CACNG2: variants seen among roughly 807,000 people sequenced by gnomAD.
The protein encoded by CACNG2 is calcium voltage-gated channel auxiliary subunit gamma 2, also known as voltage-dependent calcium channel gamma-2 subunit.
CACNG2 carries 3 observed loss-of-function variants against 25.9 expected under a neutral mutation model. The ratio of observed to expected loss-of-function variants is 0.12; its 90% CI spans 0.05 to 0.30. The LOEUF (loss-of-function observed/expected upper bound fraction) is 0.30. Ranked by LOEUF, CACNG2 falls within the 10% of genes least tolerant of loss-of-function variation. The pLI, the probability that CACNG2 is intolerant of heterozygous loss-of-function variation, is 1.00. For missense variants in CACNG2, 341 were observed against 432.5 expected, an observed-to-expected ratio of 0.79 and a Z score of 1.88; for synonymous variants, 167 against 173.3, an observed-to-expected ratio of 0.96 and a Z score of 0.29.
At position 36,587,421 on chromosome 22, in the gene CACNG2, G is replaced by T. The variant is rs773448084; in HGVS notation, c.295+44C>A. 10 of 1,368,780 alleles carry T rather than the reference G, an allele frequency of 7.3e-6. No homozygotes were observed. The Admixed American group carries it at 1.5e-4, about 21-fold the overall frequency. The allele number at this position is 1,368,780 out of a possible 1,614,324, so 84.8% of individuals were successfully genotyped here. Reference sequence around the variant, plus strand: ...GACTCTGTGAAGGATGGAAGGGCAGGGCCCACCACCAGGAGGGAGATAAAA... The same window carrying T: ...GACTCTGTGAAGGATGGAAGGGCAGTGCCCACCACCAGGAGGGAGATAAAA... On this transcript the variant is annotated intron_variant, in intron 2 of 3. Coordinates refer to ENST00000300105, the MANE Select transcript of CACNG2 (RefSeq NM_006078.5).
intron 1 of CACNG2, among the ~76,000 whole-genome samples, chr22:36,666,116 T>C (rs1476354226): frequency 1.3e-5 from 2 of 152,150 alleles, no homozygotes; most frequent in African/African-American, 4.8e-5. Flanking sequence ...GACAAAAAGA[T>C]AAATACTGTC....
At position 36,564,516 on chromosome 22, in the gene CACNG2, G is replaced by A. The variant is rs1422860018; in HGVS notation, c.807C>T (p.Ser269=). 4.3e-6 allele frequency: 7 copies of A among 1,614,026 alleles called. No homozygotes were observed. In the Admixed American group the frequency reaches 1.0e-4, roughly 23 times the overall value. ...GFNTLPSTEI[S]MYTLSRDPLK... The stretch of plus-strand genomic sequence containing the variant: ...GGGGGTCCCTGCTGAGCGTGTACAT[G>A]GAGATCTCCGTGGACGGCAGGGTGT... Residue 269 remains serine, a synonymous_variant, in exon 4 of 4, where the codon TCC becomes TCT. Coordinates refer to ENST00000300105, the MANE Select transcript of CACNG2 (RefSeq NM_006078.5). The surrounding 1 kb of genome is among the most constrained non-coding windows in gnomAD (Gnocchi z 6.7).
At chr22:36,699,836 C>T (rs1318126392) in intron 1 of CACNG2, among the ~76,000 whole-genome samples, 1 of 152,238 alleles carries the variant, frequency 6.6e-6, no homozygotes, top group Non-Finnish European at 1.5e-5. Flanking sequence ...ACTGAACTTA[C>T]AGCCTTTGGA....
At chr22:36,570,381 C>T (rs1214341502) in intron 2 of CACNG2, among the ~76,000 whole-genome samples, 5 of 152,150 alleles carry the variant, frequency 3.3e-5, no homozygotes, top group Admixed American at 6.5e-5. Flanking sequence ...TGACCACCAG[C>T]GGGGAATACA....
chr22:36,615,983 G>A (rs1936016623), intron 1 of CACNG2, among the ~76,000 whole-genome samples: 2 of 152,184 alleles, frequency 1.3e-5, no homozygotes, highest in Admixed American at 6.5e-5. Context: ...GTGGTAGATG[G>A]AGTGTTTATC....
At chr22:36,633,610 G>A (rs928411977) in intron 1 of CACNG2, among the ~76,000 whole-genome samples, 1 of 152,224 alleles carries the variant, frequency 6.6e-6, no homozygotes, top group Non-Finnish European at 1.5e-5. Context: ...ATTTAGACAT[G>A]TCTGTTTTGG....
At chr22:36,569,024 C>T (rs971601424) in intron 2 of CACNG2, among the ~76,000 whole-genome samples, 1 of 152,008 alleles carries the variant, frequency 6.6e-6, no homozygotes, top group Non-Finnish European at 1.5e-5. Context: ...CTAACCTGAT[C>T]CCCCAGCCCA....
intron 1 of CACNG2, among the ~76,000 whole-genome samples, chr22:36,623,788 G>A (rs1156436421): frequency 6.6e-6 from 1 of 152,048 alleles, no homozygotes; most frequent in Non-Finnish European, 1.5e-5. Flanking sequence ...TAAGACATTT[G>A]TGGGCCAGTG....
intron 1 of CACNG2, among the ~76,000 whole-genome samples, chr22:36,609,142 G>T (rs1935886123): frequency 6.6e-6 from 1 of 151,922 alleles, no homozygotes; most frequent in African/African-American, 2.4e-5. Context: ...GATCGGGCAG[G>T]AATCAGCTCC....
chr22:36,670,730 C>G (rs569974829), intron 1 of CACNG2, among the ~76,000 whole-genome samples: 164 of 152,064 alleles, frequency 1.1e-3, no homozygotes, highest in Non-Finnish European at 2.0e-3. Flanking sequence ...CTCCCGGGCT[C>G]AAGCGATCCT....
intron 2 of CACNG2, among the ~76,000 whole-genome samples, chr22:36,585,755 C>T (rs1935492575): frequency 6.6e-6 from 1 of 152,206 alleles, no homozygotes; most frequent in Non-Finnish European, 1.5e-5. Flanking sequence ...CCTTCAGAAT[C>T]CTGTCGTTGC....
chr22:36,596,981 G>T (rs1336454163), intron 1 of CACNG2, among the ~76,000 whole-genome samples: 1 of 151,404 alleles, frequency 6.6e-6, no homozygotes, highest in Non-Finnish European at 1.5e-5. Flanking sequence ...TGAACTCCTG[G>T]GCTCAAGCGA....
intron 1 of CACNG2, among the ~76,000 whole-genome samples, chr22:36,655,901 G>A (rs1371490886): frequency 6.0e-5 from 9 of 150,154 alleles, no homozygotes; most frequent in Admixed American, 1.3e-4. Context: ...TCCACCACCC[G>A]GGTTCAAGCA....
chr22:36,662,057 G>C (rs909620973), intron 1 of CACNG2, among the ~76,000 whole-genome samples: 22 of 128,542 alleles, frequency 1.7e-4, no homozygotes, highest in Admixed American at 5.2e-4. Flanking sequence ...TCAGCTCACT[G>C]CAAGCTCCAC....
At chr22:36,613,102 AATGTGGGAAT>A (rs1399641358) in intron 1 of CACNG2, among the ~76,000 whole-genome samples, 2 of 151,710 alleles carry the variant, frequency 1.3e-5, no homozygotes, top group African/African-American at 2.4e-5. Flanking sequence ...GTCAAACTCT[AATGTGGGAAT>A]ATAGTGCTCA....
intron 1 of CACNG2, among the ~76,000 whole-genome samples, chr22:36,610,477 G>A (rs998879518): frequency 6.6e-6 from 1 of 152,242 alleles, no homozygotes; most frequent in Admixed American, 6.5e-5. Context: ...AAAGCTGAGG[G>A]CAAGAGTTAG....
intron 1 of CACNG2, among the ~76,000 whole-genome samples, chr22:36,653,322 C>G (rs111303425): frequency 0.025 from 3,794 of 152,114 alleles, 85 homozygotes; most frequent in Middle Eastern, 0.045. Context: ...GAAGCTCAGT[C>G]TCAAAAAAAC....
chr22:36,611,420 A>C (rs1935937116), intron 1 of CACNG2, among the ~76,000 whole-genome samples: 1 of 152,208 alleles, frequency 6.6e-6, no homozygotes, highest in Non-Finnish European at 1.5e-5. Context: ...CTTCAGAGGC[A>C]AATGTTGGAC....
rs1936317994 is a variant in CACNG2, at chr22:36,634,038, C to T, written c.212-46490G>A. ...AGGATGTGGTGAAAAAAAGCATAGA[C>T]TTTCAAGCCATACAGACTTGACAGT... On this transcript the variant is annotated intron_variant, in intron 1 of 3. Coordinates refer to ENST00000300105, the MANE Select transcript of CACNG2 (RefSeq NM_006078.5). Among the ~76,000 whole-genome samples, 5 of 152,232 alleles carry T rather than the reference C, an allele frequency of 3.3e-5. No individual in the cohort carries two copies. In the South Asian group the frequency reaches 6.2e-4, roughly 19 times the overall value.
Sources: allele counts gnomAD v4.1 joint callset (sites outside exome capture counted in the v4.1 genomes callset), GRCh38; gene constraint gnomAD v4.1.1; non-coding constraint Gnocchi (gnomAD v3.1); transcripts MANE v1.5; gene names NCBI Gene and HGNC (gene_info 2026-07-23, HGNC 2026-07-21).